Variants in CDK19 observed in about 807,000 individuals in gnomAD.
CDK19 encodes cyclin-dependent kinase 19.
In CDK19, 20 loss-of-function variants were observed where a neutral mutation model predicts 68.3. The ratio of observed to expected loss-of-function variants is 0.29; its 90% CI spans 0.21 to 0.43. CDK19 has a LOEUF of 0.43. Ranked by LOEUF, CDK19 falls within the 20% of genes least tolerant of loss-of-function variation. The probability of loss-of-function intolerance (pLI) is 1.00; values close to 1 mark genes in which losing one functional copy is unlikely to be tolerated. For missense variants in CDK19, 339 were observed against 623.5 expected (o/e 0.54, Z 4.86); for synonymous variants, 221 against 222.8 (o/e 0.99, Z 0.07).
chr6:110,805,266 G>A (rs1271138078), intron 1 of CDK19, among the ~76,000 whole-genome samples: 1 of 151,958 alleles, frequency 6.6e-6, no homozygotes, highest in Non-Finnish European at 1.5e-5. Flanking sequence ...TGTCATGCTA[G>A]TTGTTCATCT....
At chr6:110,730,874 A>C (rs1325931397) in intron 2 of CDK19, among the ~76,000 whole-genome samples, 1 of 152,114 alleles carries the variant, frequency 6.6e-6, no homozygotes, top group Non-Finnish European at 1.5e-5. Context: ...CAACATGGTG[A>C]TACCCCATCT....
intron 2 of CDK19, among the ~76,000 whole-genome samples, chr6:110,703,442 C>T (rs1774179510): frequency 6.6e-6 from 1 of 152,008 alleles, no homozygotes; most frequent in African/African-American, 2.4e-5. Flanking sequence ...TCAAAAAATA[C>T]TATTAATTGA....
At chr6:110,639,778 T>C (rs576334678) in intron 4 of CDK19, among the ~76,000 whole-genome samples, 4 of 152,148 alleles carry the variant, frequency 2.6e-5, no homozygotes, top group Non-Finnish European at 5.9e-5. Context: ...TTAAGGGAAA[T>C]GCTCACTGGG....
chr6:110,684,305 G>T (rs1254796652), intron 2 of CDK19, among the ~76,000 whole-genome samples: 3 of 151,758 alleles, frequency 2.0e-5, no homozygotes, highest in Admixed American at 6.6e-5. Flanking sequence ...TATTTTTGTT[G>T]TTGTTGTTGA....
chr6:110,774,558 T>C (rs1780262403), intron 1 of CDK19, among the ~76,000 whole-genome samples: 1 of 152,240 alleles, frequency 6.6e-6, no homozygotes, highest in Admixed American at 6.5e-5. Flanking sequence ...AATCTTTATT[T>C]CTGGAATTTT....
intron 2 of CDK19, among the ~76,000 whole-genome samples, chr6:110,737,657 C>T (rs748677732): frequency 6.6e-6 from 1 of 152,120 alleles, no homozygotes; most frequent in Non-Finnish European, 1.5e-5. Flanking sequence ...AGGCACTGAC[C>T]TTGTATTAGT....
intron 4 of CDK19, among the ~76,000 whole-genome samples, chr6:110,650,217 A>G (rs1780877508): frequency 6.6e-6 from 1 of 152,254 alleles, no homozygotes; most frequent in Non-Finnish European, 1.5e-5. Flanking sequence ...ATTTATAAAA[A>G]TGTGATAAAT....
intron 2 of CDK19, among the ~76,000 whole-genome samples, chr6:110,679,373 G>A (rs1427853900): frequency 6.6e-6 from 1 of 151,948 alleles, no homozygotes; most frequent in Non-Finnish European, 1.5e-5. Flanking sequence ...AGCACTTGGG[G>A]AGGCCAAAGA....
chr6:110,797,691 G>T (rs545385498), intron 1 of CDK19, among the ~76,000 whole-genome samples: 2 of 152,210 alleles, frequency 1.3e-5, no homozygotes, highest in South Asian at 4.1e-4. Context: ...ACTCTAAGTT[G>T]AAAAATATAT....
intron 1 of CDK19, among the ~76,000 whole-genome samples, chr6:110,790,587 T>G (rs1781521392): frequency 6.6e-6 from 1 of 151,982 alleles, no homozygotes; most frequent in African/African-American, 2.4e-5. Flanking sequence ...TTAAAACTCC[T>G]ACTTTATGTA....
At chr6:110,815,537 T>A, upstream of CDK19, 2 of 157,620 alleles carry the variant, frequency 1.3e-5, no homozygotes, top group Non-Finnish European at 2.8e-5. Flanking sequence ...CCTGGGCGGT[T>A]TTGCCGGCGT....
intron 2 of CDK19, among the ~76,000 whole-genome samples, chr6:110,699,766 T>C (rs1773832555): frequency 6.6e-6 from 1 of 152,152 alleles, no homozygotes; most frequent in Non-Finnish European, 1.5e-5. Context: ...AAAGGGTCAA[T>C]AAATTTGACT....
At chr6:110,767,374 T>C (rs956885974) in intron 1 of CDK19, among the ~76,000 whole-genome samples, 2 of 151,380 alleles carry the variant, frequency 1.3e-5, no homozygotes, top group Non-Finnish European at 3.0e-5. Context: ...ACCCAGCACT[T>C]TGGGAGGCTG....
intron 2 of CDK19, among the ~76,000 whole-genome samples, chr6:110,726,982 G>T (rs1428196561): frequency 2.0e-5 from 3 of 151,940 alleles, no homozygotes; most frequent in Non-Finnish European, 4.4e-5. Flanking sequence ...TTATTCAGTG[G>T]CACATCTTCA....
chr6:110,767,176 C>T (rs1779655123), intron 1 of CDK19, among the ~76,000 whole-genome samples: 1 of 151,636 alleles, frequency 6.6e-6, no homozygotes, highest in Admixed American at 6.6e-5. Flanking sequence ...AAAAGTTAAC[C>T]TCATGGAAGT....
intron 2 of CDK19, among the ~76,000 whole-genome samples, chr6:110,677,948 C>T (rs1771671615): frequency 6.6e-6 from 1 of 152,128 alleles, no homozygotes; most frequent in African/African-American, 2.4e-5. Context: ...CTCCTGGGCT[C>T]AAGCCATCCT....
At chr6:110,790,633 C>CTTTGAA (rs202199526) in intron 1 of CDK19, among the ~76,000 whole-genome samples, 23,710 of 152,024 alleles carry the variant, frequency 0.16, 2,039 homozygotes, top group East Asian at 0.31. Context: ...TCCACAGATT[C>CTTTGAA]ACTTTGAAAT....
chr6:110,647,870 TA>T (rs1464661515), intron 4 of CDK19, among the ~76,000 whole-genome samples: 1 of 152,180 alleles, frequency 6.6e-6, no homozygotes, highest in African/African-American at 2.4e-5. Flanking sequence ...AATATAGTTG[TA>T]AAAATATTAA....
At chr6:110,814,761 G>A (rs773742393) in intron 1 of CDK19, 3 of 649,490 alleles carry the variant, frequency 4.6e-6, no homozygotes, top group East Asian at 3.1e-5. Context: ...CTCGGAGGGC[G>A]CCCCTCTGGG....
Sources: allele counts gnomAD v4.1 joint callset (sites outside exome capture counted in the v4.1 genomes callset), GRCh38; gene constraint gnomAD v4.1.1; transcripts MANE v1.5; gene names NCBI Gene and HGNC (gene_info 2026-07-23, HGNC 2026-07-21).